Variants in KLC4 observed in about 807,000 individuals in gnomAD.
KLC4 encodes the protein kinesin-like protein 8.
KLC4 carries 49 observed loss-of-function variants against 77.2 expected under a neutral mutation model. The observed-to-expected ratio is 0.63, with a 90% CI of 0.50 to 0.80. KLC4 has a LOEUF of 0.80. Among genes scored for constraint, KLC4 ranks in the 30% least tolerant of loss-of-function variants. The pLI, the probability that KLC4 is intolerant of heterozygous loss-of-function variation, is 0.00. For synonymous variants in KLC4, 274 were observed against 314.5 expected (o/e 0.87, Z 1.36); for missense variants, 669 against 793.5 (o/e 0.84, Z 1.89).
chr6:43,062,997 C>G lies in KLC4; in HGVS notation c.339C>G (p.Cys113Trp). ...TGCGGGCTCAGGTGCGGCGGCTATG[C>G]CAGGAGAACCAGTGGCTGCGGGATG... ...QKLRAQVRRLCQENQWLRDEL... is the reference protein window; with the variant it reads ...QKLRAQVRRLWQENQWLRDEL... Residue 113 changes from cysteine (C) to tryptophan (W), a missense_variant, in exon 3 of 16, where the codon TGC becomes TGG. Coordinates refer to ENST00000347162, the MANE Select transcript of KLC4 (RefSeq NM_201521.3). The G allele has an allele frequency of 1.2e-6, 2 of 1,614,126 alleles. No individual in the cohort carries two copies. The highest frequency in any genetic ancestry group is 1.7e-6 in the Non-Finnish European group (2 of 1,180,022).
In KLC4 at chr6:43,070,464, G is replaced by T. The variant is rs745678536; in HGVS notation, c.981+9G>T. 1 of 1,596,194 alleles carries T rather than the reference G, an allele frequency of 6.3e-7. No homozygotes were observed. Among genetic ancestry groups the T allele is most frequent in the South Asian group, 1.1e-5 (1 of 90,710 alleles). The stretch of plus-strand genomic sequence containing the variant: ...TGGAGATTCGAGAAAAGGTACCCAT[G>T]CCCTCTCTCCCTTCTTCTCTTGTCG... On this transcript the variant is annotated intron_variant, in intron 7 of 15. Transcript: ENST00000347162.
Position 43,063,119 on chromosome 6 carries a change from G to A in KLC4, c.461G>A (p.Arg154Gln), listed in dbSNP as rs182587062. The change falls in exon 3 of 16, where the codon CGG (arginine) becomes CAG (glutamine). Residue 154 changes from arginine (R) to glutamine (Q), a missense_variant. Arg to Gln is a conservative substitution (Grantham distance 43, BLOSUM62 1). Coordinates refer to ENST00000347162, the MANE Select transcript of KLC4 (RefSeq NM_201521.3). Reference protein sequence around the residue: ...KKHLEFLGQLRQYDEDGHTSE... With the variant: ...KKHLEFLGQLQQYDEDGHTSE... The stretch of plus-strand genomic sequence containing the variant: ...CACCTGGAGTTCCTGGGGCAGCTGC[G>A]GCAGTATGATGAGGATGGACATACC... 5.0e-5 allele frequency: 80 copies of A among 1,614,040 alleles called. No homozygotes were observed. The highest frequency in any genetic ancestry group is 3.1e-4 in the East Asian group (14 of 44,874).
intron 5 of KLC4, 140 bp from the exon 6 acceptor site, chr6:43,066,856 C>T: frequency 8.0e-7 from 1 of 1,251,158 alleles, no homozygotes; most frequent in Non-Finnish European, 1.1e-6. Flanking sequence ...CAGTGAAGCC[C>T]CCTTACTGTC....
In KLC4 at chr6:43,061,310, G is replaced by C; in HGVS notation, c.-25-1G>C. Reference sequence around the variant, plus strand: ...AGCTGAACTCTGTTGTTTCTCCCTAGACCGGGCAAGGTCCCCCAGGCCAGG... The same window carrying C: ...AGCTGAACTCTGTTGTTTCTCCCTACACCGGGCAAGGTCCCCCAGGCCAGG... On this transcript the variant is annotated splice_acceptor_variant, in intron 1 of 15. Coordinates refer to ENST00000347162, the MANE Select transcript of KLC4 (RefSeq NM_201521.3). LOFTEE classifies it low-confidence loss of function (5UTR_SPLICE). The C allele has an allele frequency of 1.2e-6, 2 of 1,611,420 alleles. No homozygotes were observed. The highest frequency in any genetic ancestry group is 8.5e-7 in the Non-Finnish European group (1 of 1,178,912).
intron 6 of KLC4, chr6:43,067,390 CAAG>C (rs747692469): frequency 2.3e-6 from 1 of 442,756 alleles, no homozygotes. Context: ...AAAAGAAAAA[CAAG>C]AAAAGTAATT....
chr6:43,071,546 C>T (rs1234138666), intron 9 of KLC4, 21 bp from the exon 10 acceptor site: 7 of 1,609,520 alleles, frequency 4.3e-6, no homozygotes, highest in Admixed American at 3.3e-5. Flanking sequence ...CTAACCTCCC[C>T]ACCCCATGTA....
At position 43,061,446 on chromosome 6, in the gene KLC4, CA is replaced by C. The variant is rs1765153443; in HGVS notation, c.112del (p.Ser38ValfsTer45). 1 of 1,614,082 alleles carries C rather than the reference CA, an allele frequency of 6.2e-7. No individual in the cohort carries two copies. Among genetic ancestry groups the C allele is most frequent in the Non-Finnish European group, 8.5e-7 (1 of 1,180,050 alleles). ...LVSQGLEALR[S>X]EHQAVLQSLS... ...TCAGCCAAGGGCTAGAGGCCCTACG[CA>C]GTGAACACCAGGCCGTGCTGCAAAG... On this transcript the variant is annotated frameshift_variant, in exon 2 of 16. Transcript: ENST00000347162. LOFTEE classifies it high-confidence loss of function.
intron 8 of KLC4, 43 bp downstream of exon 8, chr6:43,070,908 GGGCACAGA>G: frequency 2.0e-6 from 1 of 508,722 alleles, no homozygotes; most frequent in Non-Finnish European, 3.1e-6. Context: ...ACGGAGAGGG[GGGCACAGA>G]GGTGGGGGGA....
chr6:43,062,268 C>T (rs1160247268), intron 2 of KLC4, among the ~76,000 whole-genome samples: 3 of 152,250 alleles, frequency 2.0e-5, no homozygotes, highest in African/African-American at 2.4e-5. Flanking sequence ...TTCTTTGAGA[C>T]GGAGTCTCGC....
Position 43,071,616 on chromosome 6 carries a change from C to A in KLC4, c.1305C>A (p.Ser435Arg). The A allele has an allele frequency of 6.2e-7, 1 of 1,613,354 alleles. No homozygotes were observed. Among genetic ancestry groups the A allele is most frequent in the Middle Eastern group, 1.7e-4 (1 of 5,896 alleles). Residue 435 changes from serine (S) to arginine (R), a missense_variant, in exon 10 of 16, where the codon AGC (serine) becomes AGA (arginine). Ser to Arg is a moderately radical substitution (Grantham distance 110). Transcript: ENST00000347162. ...ATGCAGAGGAGCGGGAGGAAATGAG[C>A]AAAGTGAGTGGGGGGAAGGGGGGCC... ...WMHAEEREEM[S>R]KSRHHEGGTP...
At chr6:43,065,416 A>AT (rs1765369473) in intron 3 of KLC4, 2 of 517,564 alleles carry the variant, frequency 3.9e-6, no homozygotes, top group African/African-American at 3.8e-5. Context: ...AAGTCTTGAG[A>AT]TTTTGTCCAA....
chr6:43,062,822 C>T (rs1765227877), intron 2 of KLC4, 95 bp from the exon 3 acceptor site: 3 of 984,302 alleles, frequency 3.0e-6, no homozygotes, highest in Non-Finnish European at 4.7e-6. Context: ...CCTCTGTGCC[C>T]CTGCCAGTCT....
Position 43,067,101 on chromosome 6 carries a change from T to TGCCCCCCCCCCCCCCCCCCCCCCCC in KLC4, c.879+18_879+19insGCCCCCCCCCCCCCCCCCCCCCCCC. 1 of 1,584,708 alleles carries TGCCCCCCCCCCCCCCCCCCCCCCCC rather than the reference T, an allele frequency of 6.3e-7. No individual in the cohort carries two copies. Among genetic ancestry groups the TGCCCCCCCCCCCCCCCCCCCCCCCC allele is most frequent in the Non-Finnish European group, 8.7e-7 (1 of 1,155,626 alleles). On this transcript the variant is annotated intron_variant, in intron 6 of 15. Coordinates refer to ENST00000347162, the MANE Select transcript of KLC4 (RefSeq NM_201521.3). ...ATCCTGCTGTCAGTATTCCTTGCCC[T>TGCCCCCCCCCCCCCCCCCCCCCCCC]CCCCACCCCACGCCCCGCACCCCCC... is the stretch of plus-strand genomic sequence containing the variant.
chr6:43,067,227 G>A (rs1765481119), intron 6 of KLC4, 144 bp downstream of exon 6: 4 of 1,418,188 alleles, frequency 2.8e-6, no homozygotes, highest in Non-Finnish European at 3.7e-6. Context: ...TTTCTTCCAG[G>A]CACTGTCCAG....
At chr6:43,061,724 C>G in intron 2 of KLC4, 131 bp downstream of exon 2, 1 of 923,440 alleles carries the variant, frequency 1.1e-6, no homozygotes. Context: ...TGTATTAAGT[C>G]CCTACTGTGT....
chr6:43,059,849 A>G (rs1765043792), intron 1 of KLC4, 164 bp downstream of exon 1: 3 of 1,189,114 alleles, frequency 2.5e-6, no homozygotes, highest in Non-Finnish European at 2.1e-6. Flanking sequence ...GCGTCCAGAC[A>G]GATAGACAGA....
chr6:43,074,574 T>C, intron 15 of KLC4, 48 bp from the exon 16 acceptor site: 4 of 1,557,318 alleles, frequency 2.6e-6, no homozygotes, highest in East Asian at 2.2e-5. Context: ...AGCCAGTCTT[T>C]GGGAGGCCGA....
rs1283081112 is a variant in KLC4 at position 43,071,633 on chromosome 6, A to G, written c.1308+14A>G. ...GAAATGAGCAAAGTGAGTGGGGGGA[A>G]GGGGGGCCAGCCTGGGGAGCTCAAG... On this transcript the variant is annotated intron_variant, in intron 10 of 15. Transcript: ENST00000347162. The G allele has an allele frequency of 6.2e-7, 1 of 1,612,536 alleles. No individual in the cohort carries two copies. Among genetic ancestry groups the G allele is most frequent in the African/African-American group, 1.3e-5 (1 of 74,818 alleles).
chr6:43,066,442 G>A lies in KLC4; in HGVS notation c.708G>A (p.Gln236=). Residue 236 remains glutamine (Q), a synonymous_variant, in exon 5 of 16, where the codon CAG becomes CAA. Transcript: ENST00000347162. ...AGGTGGCCGTGCCACTCTGTAAGCA[G>A]GCACTAGAGGACCTGGAGCGCACAT... The part of the protein sequence containing the change: ...RYEVAVPLCK[Q]ALEDLERTSG... The A allele has an allele frequency of 6.2e-7, 1 of 1,614,174 alleles. No homozygotes were observed. The highest frequency in any genetic ancestry group is 8.5e-7 in the Non-Finnish European group (1 of 1,180,032).
Sources: allele counts gnomAD v4.1 joint callset (sites outside exome capture counted in the v4.1 genomes callset), GRCh38; gene constraint gnomAD v4.1.1; transcripts MANE v1.5; gene names NCBI Gene and HGNC (gene_info 2026-07-23, HGNC 2026-07-21).